STPG2: variants seen among roughly 807,000 people sequenced by gnomAD.
STPG2 encodes sperm tail PG-rich repeat containing 2.
Under a neutral mutation model 54.2 loss-of-function variants are expected in STPG2, and 56 were observed. That is an observed-to-expected ratio of 1.03 (90% CI 0.83 to 1.29). STPG2 has a LOEUF of 1.29. STPG2 is among the 50% of genes most tolerant of loss of function. STPG2 has a pLI of 0.00. For synonymous variants in STPG2, 200 were observed against 181.8 expected, an observed-to-expected ratio of 1.10 and a Z score of -0.81; for missense variants, 596 against 544.9, an observed-to-expected ratio of 1.09 and a Z score of -0.93.
At chr4:97,734,488 T>A (rs1242612372) in intron 9 of STPG2, among the ~76,000 whole-genome samples, 1 of 152,144 alleles carries the variant, frequency 6.6e-6, no homozygotes, top group African/African-American at 2.4e-5. Context: ...TCTCATCATT[T>A]AGCTCCCACT....
chr4:97,832,844 C>T (rs112427851), intron 9 of STPG2, among the ~76,000 whole-genome samples: 3,457 of 152,168 alleles, frequency 0.023, 83 homozygotes, highest in African/African-American at 0.065. Context: ...CAAACCACTG[C>T]TCAAGGAAAT....
At chr4:97,827,389 C>T (rs1323286217) in intron 9 of STPG2, among the ~76,000 whole-genome samples, 2 of 151,974 alleles carry the variant, frequency 1.3e-5, no homozygotes. Flanking sequence ...GCGCCCACCA[C>T]CATGTCCGGA....
chr4:97,888,217 C>T (rs958587328), intron 8 of STPG2, among the ~76,000 whole-genome samples: 2 of 152,124 alleles, frequency 1.3e-5, no homozygotes, highest in African/African-American at 2.4e-5. Context: ...ACTGCTTAGG[C>T]GAGCTGTGAT....
chr4:98,104,597 T>C (rs182245715), intron 5 of STPG2, among the ~76,000 whole-genome samples: 274 of 152,358 alleles, frequency 1.8e-3, no homozygotes, highest in Non-Finnish European at 3.3e-3. Flanking sequence ...ACATTTCTGC[T>C]TTAATTATAA....
At chr4:97,987,906 T>C (rs1014488559) in intron 5 of STPG2, among the ~76,000 whole-genome samples, 1 of 152,026 alleles carries the variant, frequency 6.6e-6, no homozygotes, top group African/African-American at 2.4e-5. Context: ...TCTACTGACA[T>C]AGCAGCCAGT....
At chr4:98,095,801 G>A (rs970170976) in intron 5 of STPG2, among the ~76,000 whole-genome samples, 5 of 152,106 alleles carry the variant, frequency 3.3e-5, no homozygotes, top group African/African-American at 1.2e-4. Flanking sequence ...AACTTAATCT[G>A]CACTATAGAA....
intron 4 of STPG2, among the ~76,000 whole-genome samples, chr4:97,486,662 C>T (rs1240601897): frequency 6.6e-6 from 1 of 151,694 alleles, no homozygotes; most frequent in Non-Finnish European, 1.5e-5. Context: ...AATCCCATGA[C>T]TGAGTATCTA....
At chr4:97,703,972 GCATGA>G (rs1723868367) in intron 10 of STPG2, among the ~76,000 whole-genome samples, 1 of 151,858 alleles carries the variant, frequency 6.6e-6, no homozygotes, top group South Asian at 2.1e-4. Context: ...AAAGCATCCA[GCATGA>G]GAGAAAGATA....
intron 8 of STPG2, among the ~76,000 whole-genome samples, chr4:97,866,386 A>G (rs974196690): frequency 6.6e-6 from 1 of 152,018 alleles, no homozygotes; most frequent in Non-Finnish European, 1.5e-5. Context: ...CATACTACGT[A>G]CCCACAAAAA....
At chr4:97,813,677 TAAAAAAAAAA>T (rs869298230) in intron 9 of STPG2, among the ~76,000 whole-genome samples, 16 of 45,928 alleles carry the variant, frequency 3.5e-4, no homozygotes, top group East Asian at 2.5e-3. Context: ...CCCTGTCTCT[TAAAAAAAAAA>T]AAAAAAAAAA....
intron 4 of STPG2, among the ~76,000 whole-genome samples, chr4:97,544,726 T>C (rs891297567): frequency 3.9e-5 from 6 of 152,090 alleles, no homozygotes; most frequent in African/African-American, 1.2e-4. Context: ...TAGTGCCTAA[T>C]CTCTACTTAA....
At chr4:97,977,292 T>C (rs1409638628) in intron 6 of STPG2, among the ~76,000 whole-genome samples, 1 of 152,200 alleles carries the variant, frequency 6.6e-6, no homozygotes, top group Non-Finnish European at 1.5e-5. Context: ...CTGCTATAAC[T>C]AATCAAATTG....
intron 8 of STPG2, among the ~76,000 whole-genome samples, chr4:97,937,556 G>A (rs548825637): frequency 6.6e-6 from 1 of 152,252 alleles, no homozygotes; most frequent in Admixed American, 6.5e-5. Flanking sequence ...CTTTGGATGA[G>A]GTTTTTGTAG....
chr4:97,966,921 A>T (rs908233245), intron 7 of STPG2, among the ~76,000 whole-genome samples: 1 of 152,238 alleles, frequency 6.6e-6, no homozygotes, highest in African/African-American at 2.4e-5. Flanking sequence ...AATTGTAAAG[A>T]CCATCAATGC....
intron 6 of STPG2, among the ~76,000 whole-genome samples, chr4:97,980,256 C>A (rs1439609079): frequency 6.6e-6 from 1 of 151,986 alleles, no homozygotes; most frequent in East Asian, 1.9e-4. Context: ...CTTTTGGGTC[C>A]TTGAGAAGGA....
intron 6 of STPG2, among the ~76,000 whole-genome samples, chr4:97,980,272 T>A (rs1164088343): frequency 1.3e-5 from 2 of 152,120 alleles, no homozygotes; most frequent in Non-Finnish European, 2.9e-5. Context: ...AAGGAGTAGG[T>A]GCATGTAGGA....
At chr4:97,641,121 T>C (rs1266502037) in intron 10 of STPG2, among the ~76,000 whole-genome samples, 5 of 151,646 alleles carry the variant, frequency 3.3e-5, no homozygotes. Flanking sequence ...CTAGACATGA[T>C]AGCCAGGACA....
At chr4:97,473,984 A>T (rs1007633008) in intron 4 of STPG2, among the ~76,000 whole-genome samples, 1 of 152,088 alleles carries the variant, frequency 6.6e-6, no homozygotes, top group Admixed American at 6.6e-5. Context: ...TTGATCACTG[A>T]AACTATTCTA....
At chr4:97,994,902 G>A (rs950192023) in intron 5 of STPG2, among the ~76,000 whole-genome samples, 7 of 152,126 alleles carry the variant, frequency 4.6e-5, no homozygotes, top group African/African-American at 7.2e-5. Context: ...ACAAGGGCAG[G>A]TAGAGAAAGA....
Sources: gnomAD v4.1 joint callset for allele counts (sites outside exome capture counted in the v4.1 genomes callset) on GRCh38, gnomAD v4.1.1 for gene constraint, MANE v1.5 for transcripts, NCBI Gene and HGNC (gene_info 2026-07-23, HGNC 2026-07-21) for gene names.